ROR2: variants seen among roughly 807,000 people sequenced by gnomAD.
ROR2 encodes the protein tyrosine-protein kinase transmembrane receptor ROR2.
ROR2 carries 33 observed loss-of-function variants against 74.9 expected under a neutral mutation model. The observed-to-expected ratio is 0.44, with a 90% CI of 0.33 to 0.59. ROR2 has a LOEUF of 0.59. Ranked by LOEUF, ROR2 falls within the 20% of genes least tolerant of loss-of-function variation. The probability of loss-of-function intolerance (pLI) is 0.02; values close to 1 mark genes in which losing one functional copy is unlikely to be tolerated. For missense variants in ROR2, 1,216 were observed against 1,313.8 expected (o/e 0.93, Z 1.15); for synonymous variants, 586 against 558.7 (o/e 1.05, Z -0.69).
At chr9:91,735,190 C>T (rs969140012) in intron 5 of ROR2, among the ~76,000 whole-genome samples, 14 of 152,198 alleles carry the variant, frequency 9.2e-5, no homozygotes, top group African/African-American at 3.4e-4. Context: ...AAGTGCAATT[C>T]TAGGCACAAA....
chr9:91,898,916 G>C (rs1587831413), intron 1 of ROR2, among the ~76,000 whole-genome samples: 1 of 152,212 alleles, frequency 6.6e-6, no homozygotes, highest in African/African-American at 2.4e-5. Context: ...CAGGAAACTG[G>C]AAGAAGCCTC....
chr9:91,879,475 C>A (rs1436350951), intron 1 of ROR2, among the ~76,000 whole-genome samples: 1 of 151,152 alleles, frequency 6.6e-6, no homozygotes, highest in Non-Finnish European at 1.5e-5. Context: ...AAACAAAATT[C>A]AAAAGTCACA....
chr9:91,865,100 T>G (rs374691523), intron 1 of ROR2, among the ~76,000 whole-genome samples: 236 of 147,526 alleles, frequency 1.6e-3, no homozygotes, highest in African/African-American at 5.0e-3. Context: ...AGGCTAAAAG[T>G]TTTTTTTTTG....
chr9:91,913,930 TAC>T (rs1161827355), intron 1 of ROR2, among the ~76,000 whole-genome samples: 1 of 152,116 alleles, frequency 6.6e-6, no homozygotes, highest in African/African-American at 2.4e-5. Flanking sequence ...CCACCCAGTG[TAC>T]ACACTGAAAA....
chr9:91,923,394 G>C (rs1316396867), intron 1 of ROR2, among the ~76,000 whole-genome samples: 3 of 152,220 alleles, frequency 2.0e-5, no homozygotes, highest in Non-Finnish European at 2.9e-5. Context: ...CAATTAAATA[G>C]CCACATGTGA....
chr9:91,741,536 G>C (rs1018570509), intron 4 of ROR2, among the ~76,000 whole-genome samples: 14 of 151,926 alleles, frequency 9.2e-5, no homozygotes, highest in African/African-American at 3.4e-4. Flanking sequence ...AATGAAGGAG[G>C]TTTAAAGGAA....
chr9:91,799,540 G>A (rs1325940181), intron 1 of ROR2, among the ~76,000 whole-genome samples: 3 of 152,134 alleles, frequency 2.0e-5, no homozygotes, highest in South Asian at 4.1e-4. Context: ...ACTCAGAAAC[G>A]GAGCCCTTAG....
At chr9:91,759,201 G>A (rs997471602) in intron 2 of ROR2, among the ~76,000 whole-genome samples, 3 of 151,928 alleles carry the variant, frequency 2.0e-5, no homozygotes, top group Non-Finnish European at 2.9e-5. Context: ...TGGAGGTGGA[G>A]GTGATGGAGA....
intron 2 of ROR2, among the ~76,000 whole-genome samples, chr9:91,764,569 C>CACAT (rs1826006147): frequency 6.6e-6 from 1 of 151,794 alleles, no homozygotes; most frequent in African/African-American, 2.4e-5. Context: ...TACACACACA[C>CACAT]ACACACACAC....
Position 91,733,518 on chromosome 9 carries a change from C to A in ROR2, c.623-82G>T. The A allele has an allele frequency of 4.2e-6, 6 of 1,432,184 alleles. No individual in the cohort carries two copies. The South Asian group carries it at 6.5e-5, about 16-fold the overall frequency. 88.7% of individuals were successfully genotyped at this position (1,432,184 alleles called of 1,614,324 possible). A position where few individuals can be genotyped will look rare whatever the true frequency, so the allele number is the denominator to read the frequency against. On this transcript the variant is annotated intron_variant, in intron 5 of 8. Coordinates refer to ENST00000375708, the MANE Select transcript of ROR2 (RefSeq NM_004560.4). This position sits in a 1 kb window ranked among gnomAD's most constrained non-coding sequence, Gnocchi z 5.7. ...CATCCAGTCCCCACCCCCAGCCTGGCATCCCAGACTGCCCACTCAGCCCCC... is the reference window on the plus strand; with the variant it reads ...CATCCAGTCCCCACCCCCAGCCTGGAATCCCAGACTGCCCACTCAGCCCCC...
intron 1 of ROR2, among the ~76,000 whole-genome samples, chr9:91,826,018 C>T (rs945059999): frequency 6.6e-6 from 1 of 152,226 alleles, no homozygotes; most frequent in African/African-American, 2.4e-5. Context: ...GCTTCGCCCC[C>T]CTGCCTGCTG....
chr9:91,795,350 C>G (rs551635981), intron 1 of ROR2, among the ~76,000 whole-genome samples: 1 of 152,194 alleles, frequency 6.6e-6, no homozygotes, highest in South Asian at 2.1e-4. Flanking sequence ...GGAATGAGGA[C>G]AGAAATGTAT....
At chr9:91,819,822 T>C (rs1828084628) in intron 1 of ROR2, among the ~76,000 whole-genome samples, 1 of 152,152 alleles carries the variant, frequency 6.6e-6, no homozygotes, top group African/African-American at 2.4e-5. Context: ...TGTTTGTCTG[T>C]CTTTGAATGT....
chr9:91,741,581 G>T (rs965710672), intron 4 of ROR2, among the ~76,000 whole-genome samples: 1 of 152,112 alleles, frequency 6.6e-6, no homozygotes, highest in Admixed American at 6.5e-5. Context: ...AGGAATCCAT[G>T]TCAAAATTCA....
At chr9:91,812,535 C>T (rs540628018) in intron 1 of ROR2, among the ~76,000 whole-genome samples, 3 of 149,944 alleles carry the variant, frequency 2.0e-5, no homozygotes, top group African/African-American at 7.3e-5. Context: ...CAGGCACACA[C>T]GTGTGTGTGG....
rs1836927200 is a variant in ROR2 at position 91,724,373 on chromosome 9, G to T, written c.2121C>A (p.Asn707Lys). Reference sequence around the variant, plus strand: ...CATCGGGGCAAGGCAGCACCTGCCGGTTCCGGATCATCTCCACCACATCCT... The same window carrying T: ...CATCGGGGCAAGGCAGCACCTGCCGTTTCCGGATCATCTCCACCACATCCT... ...SNQDVVEMIR[N>K]RQVLPCPDDC... The change falls in exon 9 of 9, where the codon AAC becomes AAA. Residue 707 changes from asparagine to lysine, a missense_variant. Asn to Lys is a moderately conservative substitution (Grantham distance 94, BLOSUM62 0). Coordinates refer to ENST00000375708, the MANE Select transcript of ROR2 (RefSeq NM_004560.4). 2.5e-6 allele frequency: 4 copies of T among 1,614,034 alleles called. No individual in the cohort carries two copies. Among genetic ancestry groups the T allele is most frequent in the Non-Finnish European group, 3.4e-6 (4 of 1,180,034 alleles).
At chr9:91,856,579 G>C (rs760907263) in intron 1 of ROR2, among the ~76,000 whole-genome samples, 2 of 152,158 alleles carry the variant, frequency 1.3e-5, no homozygotes, top group Non-Finnish European at 2.9e-5. Flanking sequence ...GGACGACCAC[G>C]TGATGAGTCA....
intron 7 of ROR2, among the ~76,000 whole-genome samples, chr9:91,727,441 G>C (rs1036293636): frequency 1.3e-5 from 2 of 149,570 alleles, no homozygotes; most frequent in Non-Finnish European, 1.5e-5. Context: ...GTAACTCTTT[G>C]TCTCCCTCTA....
intron 4 of ROR2, among the ~76,000 whole-genome samples, chr9:91,740,701 T>C (rs926352897): frequency 1.3e-5 from 2 of 152,038 alleles, no homozygotes; most frequent in Non-Finnish European, 2.9e-5. Context: ...AACAATTATA[T>C]TTTATCTTTA....
Sources: gnomAD v4.1 joint callset for allele counts (sites outside exome capture counted in the v4.1 genomes callset) on GRCh38, gnomAD v4.1.1 for gene constraint, Gnocchi (gnomAD v3.1) non-coding constraint, MANE v1.5 for transcripts, NCBI Gene and HGNC (gene_info 2026-07-23, HGNC 2026-07-21) for gene names.